Variants in TGFBR3 observed in about 807,000 individuals in gnomAD.
TGFBR3 encodes the protein transforming growth factor beta receptor type 3.
A neutral mutation model predicts 87.9 loss-of-function variants in TGFBR3; 46 were observed. The observed-to-expected ratio is 0.52, with a 90% CI of 0.41 to 0.67. TGFBR3 has a LOEUF of 0.67. Ranked by LOEUF, TGFBR3 falls within the 30% of genes least tolerant of loss-of-function variation. The pLI is 0.00. For missense variants in TGFBR3, 866 were observed against 1,041.9 expected (o/e 0.83, Z 2.32); for synonymous variants, 381 against 391.6 (o/e 0.97, Z 0.32).
chr1:91,705,009 A>T (rs1341655998), intron 14 of TGFBR3, among the ~76,000 whole-genome samples: 1 of 152,200 alleles, frequency 6.6e-6, no homozygotes, highest in Non-Finnish European at 1.5e-5. Context: ...AAGATGAACC[A>T]AATGACCAGA....
intron 3 of TGFBR3, among the ~76,000 whole-genome samples, chr1:91,769,478 C>T (rs970766729): frequency 3.3e-5 from 5 of 152,094 alleles, no homozygotes; most frequent in African/African-American, 1.2e-4. Flanking sequence ...CTTTCTTCCC[C>T]ACCTGGCCAC....
intron 2 of TGFBR3, among the ~76,000 whole-genome samples, chr1:91,852,526 G>A (rs1192858677): frequency 6.6e-6 from 1 of 152,178 alleles, no homozygotes; most frequent in African/African-American, 2.4e-5. Flanking sequence ...TATCCTCAAA[G>A]GGAATACACT....
At chr1:91,823,135 G>A (rs1676511692) in intron 2 of TGFBR3, among the ~76,000 whole-genome samples, 1 of 152,134 alleles carries the variant, frequency 6.6e-6, no homozygotes, top group Non-Finnish European at 1.5e-5. Flanking sequence ...AAGGGAGCCT[G>A]GAGGGGGAGC....
intron 2 of TGFBR3, among the ~76,000 whole-genome samples, chr1:91,813,268 G>A (rs925838759): frequency 4.3e-4 from 66 of 152,128 alleles, no homozygotes; most frequent in African/African-American, 1.5e-3. Flanking sequence ...AGAAAGTTAA[G>A]CTTATGCACT....
chr1:91,855,271 A>T (rs1677895609), intron 2 of TGFBR3, among the ~76,000 whole-genome samples: 1 of 152,236 alleles, frequency 6.6e-6, no homozygotes, highest in Non-Finnish European at 1.5e-5. Context: ...AGACAGTGGA[A>T]TGAAGAAGTT....
At chr1:91,767,200 CA>C (rs1241045022) in intron 3 of TGFBR3, among the ~76,000 whole-genome samples, 2 of 133,712 alleles carry the variant, frequency 1.5e-5, no homozygotes, top group Admixed American at 7.5e-5. Context: ...AACAAACAAA[CA>C]AAACCCCACA....
At position 91,720,179 on chromosome 1, in the gene TGFBR3, A is replaced by G. The variant is rs1672316641; in HGVS notation, c.1127T>C (p.Ile376Thr). Residue 376 changes from isoleucine to threonine, a missense_variant, in exon 9 of 17, where the codon ATC becomes ACC. Transcript: ENST00000212355. ...AGGCAGGGCACCAGGGTCCAGCAGG[A>G]TCCGTAGCTCAGGAGGAATAGTGTG... is the stretch of plus-strand genomic sequence containing the variant. The part of the protein sequence containing the change: ...EVHTIPPELR[I>T]LLDPGALPAL... 3 of 1,612,814 alleles carry G rather than the reference A, an allele frequency of 1.9e-6. No individual in the cohort carries two copies. The highest frequency in any genetic ancestry group is 1.7e-5 in the Admixed American group (1 of 59,854).
At chr1:91,755,119 C>T (rs1361818708) in intron 4 of TGFBR3, 1 of 152,126 alleles carries the variant, frequency 6.6e-6, no homozygotes, top group Non-Finnish European at 1.5e-5. Flanking sequence ...ATCCCGTGGG[C>T]CCTCTGAAGT....
At chr1:91,728,097 C>T (rs17883602) in intron 6 of TGFBR3, among the ~76,000 whole-genome samples, 235 of 152,246 alleles carry the variant, frequency 1.5e-3, no homozygotes, top group African/African-American at 5.5e-3. Flanking sequence ...TGGACTTGAA[C>T]GAACCAGAAG....
At chr1:91,737,442 A>C (rs1361711460) in intron 4 of TGFBR3, among the ~76,000 whole-genome samples, 2 of 152,160 alleles carry the variant, frequency 1.3e-5, no homozygotes, top group Non-Finnish European at 2.9e-5. Context: ...GAAACCTCAG[A>C]GAGTCTAATG....
At chr1:91,722,379 A>C (rs1363896905) in intron 7 of TGFBR3, among the ~76,000 whole-genome samples, 1 of 152,164 alleles carries the variant, frequency 6.6e-6, no homozygotes, top group Non-Finnish European at 1.5e-5. Flanking sequence ...TATGCTGATA[A>C]AAAAAATCAT....
chr1:91,733,477 T>A (rs1025375345), intron 5 of TGFBR3, among the ~76,000 whole-genome samples: 46 of 152,210 alleles, frequency 3.0e-4, no homozygotes, highest in African/African-American at 1.1e-3. Context: ...CACGTCCACC[T>A]TTCCTGCCTC....
At chr1:91,796,905 T>C (rs569326960) in intron 3 of TGFBR3, among the ~76,000 whole-genome samples, 1 of 151,826 alleles carries the variant, frequency 6.6e-6, no homozygotes, top group Non-Finnish European at 1.5e-5. Context: ...TTTAGTTTTA[T>C]TTTTAGTAGA....
At chr1:91,866,710 TA>T (rs1414434247) in intron 1 of TGFBR3, 1 of 152,182 alleles carries the variant, frequency 6.6e-6, no homozygotes, top group Non-Finnish European at 1.5e-5. Context: ...CACAAACATG[TA>T]ACTACACGAT....
intron 16 of TGFBR3, among the ~76,000 whole-genome samples, chr1:91,691,538 G>A (rs964492736): frequency 6.6e-6 from 1 of 152,216 alleles, no homozygotes; most frequent in African/African-American, 2.4e-5. Context: ...TCTACCAGGT[G>A]TTTCTGTTAA....
chr1:91,740,220 C>A (rs191503224), intron 4 of TGFBR3, among the ~76,000 whole-genome samples: 2 of 151,804 alleles, frequency 1.3e-5, no homozygotes, highest in Non-Finnish European at 2.9e-5. Flanking sequence ...CCACCACATC[C>A]GGCTAATTTT....
intron 3 of TGFBR3, among the ~76,000 whole-genome samples, chr1:91,790,979 T>C (rs1052373304): frequency 6.6e-6 from 1 of 152,194 alleles, no homozygotes; most frequent in African/African-American, 2.4e-5. Context: ...CGTGTATTAA[T>C]ATTGTGGAAA....
Position 91,766,822 on chromosome 1 carries a change from C to T in TGFBR3, c.247-8072G>A, listed in dbSNP as rs1249577118. On this transcript the variant is annotated intron_variant, in intron 3 of 16. Transcript: ENST00000212355. The stretch of plus-strand genomic sequence containing the variant: ...TGCATGAGCAGATCCTGAATTCCAA[C>T]GGGACAGCTGACACCAACCAGTTTA... Among the ~76,000 whole-genome samples, 2 of 133,108 alleles carry T rather than the reference C, an allele frequency of 1.5e-5. 1 individual carries two copies. The allele number at this position is 133,108 out of a possible 152,430, so 87.3% of individuals were successfully genotyped here.
intron 4 of TGFBR3, among the ~76,000 whole-genome samples, chr1:91,757,560 G>A (rs552158473): frequency 9.2e-5 from 14 of 152,198 alleles, no homozygotes; most frequent in African/African-American, 2.9e-4. Context: ...TATTATGATG[G>A]TTGCAAAATG....
Sources: allele counts gnomAD v4.1 joint callset (sites outside exome capture counted in the v4.1 genomes callset), GRCh38; gene constraint gnomAD v4.1.1; transcripts MANE v1.5; gene names NCBI Gene and HGNC (gene_info 2026-07-23, HGNC 2026-07-21).